The following PTPRD variants were observed in gnomAD, a reference collection of about 807,000 sequenced individuals.
PTPRD encodes protein tyrosine phosphatase receptor type D.
Under a neutral mutation model 214.5 loss-of-function variants are expected in PTPRD, and 34 were observed. That is an observed-to-expected ratio of 0.16 (90% CI 0.12 to 0.21). The LOEUF (loss-of-function observed/expected upper bound fraction) is 0.21. Among genes scored for constraint, PTPRD ranks in the 10% least tolerant of loss-of-function variants. PTPRD has a pLI of 1.00. For synonymous variants in PTPRD, 1,128 were observed against 845.7 expected (o/e 1.33, Z -5.79); for missense variants, 2,545 against 2,398.7 (o/e 1.06, Z -1.27).
At chr9:10,445,816 T>A (rs1306300828) in intron 2 of PTPRD, among the ~76,000 whole-genome samples, 1 of 151,886 alleles carries the variant, frequency 6.6e-6, no homozygotes, top group Non-Finnish European at 1.5e-5. Context: ...CATGAAGAAG[T>A]GAAAGCAAGT....
chr9:10,096,665 A>G (rs2098489828), intron 3 of PTPRD, among the ~76,000 whole-genome samples: 1 of 152,010 alleles, frequency 6.6e-6, no homozygotes, highest in African/African-American at 2.4e-5. Flanking sequence ...GTAGGTTGCA[A>G]AAATTCTCTC....
At position 9,007,650 on chromosome 9, in the gene PTPRD, C is replaced by G. The variant is rs151022117; in HGVS notation, c.-104+11047G>C. Among the ~76,000 whole-genome samples the G allele has an allele frequency of 4.3e-3, 656 of 150,870 alleles. 4 individuals are homozygous for G. Among genetic ancestry groups the G allele is most frequent in the African/African-American group, 0.013 (545 of 41,246 alleles). ...TTCCTACATCAATCTGGACCTGTTGCTTTAGATACCTATGTATAGTTATTT... is the reference window on the plus strand; with the variant it reads ...TTCCTACATCAATCTGGACCTGTTGGTTTAGATACCTATGTATAGTTATTT... On this transcript the variant is annotated intron_variant, in intron 11 of 45. Coordinates refer to ENST00000381196, the MANE Select transcript of PTPRD (RefSeq NM_002839.4).
chr9:8,626,021 G>A (rs571071106), intron 14 of PTPRD, among the ~76,000 whole-genome samples: 59 of 151,748 alleles, frequency 3.9e-4, no homozygotes, highest in African/African-American at 1.3e-3. Context: ...AAGGAGATAC[G>A]TAATTAGGGC....
intron 12 of PTPRD, among the ~76,000 whole-genome samples, chr9:8,696,183 A>G (rs921326716): frequency 1.3e-5 from 2 of 152,174 alleles, no homozygotes; most frequent in Non-Finnish European, 2.9e-5. Context: ...ACACAACACA[A>G]CAGAGAGAAG....
chr9:8,719,219 G>A (rs2098466896), intron 12 of PTPRD, among the ~76,000 whole-genome samples: 1 of 152,108 alleles, frequency 6.6e-6, no homozygotes, highest in African/African-American at 2.4e-5. Context: ...TCAGGAGTTT[G>A]CAATTTGAAA....
intron 10 of PTPRD, among the ~76,000 whole-genome samples, chr9:9,132,070 C>A (rs1294806237): frequency 6.6e-6 from 1 of 152,062 alleles, no homozygotes; most frequent in Admixed American, 6.6e-5. Flanking sequence ...TGCAGTGGCA[C>A]GATCTAGGCT....
At chr9:10,264,912 G>C (rs545560622) in intron 3 of PTPRD, among the ~76,000 whole-genome samples, 1 of 152,146 alleles carries the variant, frequency 6.6e-6, no homozygotes, top group African/African-American at 2.4e-5. Context: ...TCTCATGGTA[G>C]TGAATAAGTC....
Position 8,493,847 on chromosome 9 carries a change from G to A in PTPRD, c.2350-868C>T, listed in dbSNP as rs373971385. Among the ~76,000 whole-genome samples, 199 of 152,204 alleles carry A rather than the reference G, an allele frequency of 1.3e-3. 2 individuals carry two copies. The highest frequency in any genetic ancestry group is 4.4e-3 in the African/African-American group (184 of 41,528). On this transcript the variant is annotated intron_variant, in intron 26 of 45. Coordinates refer to ENST00000381196, the MANE Select transcript of PTPRD (RefSeq NM_002839.4). ...AGCTGTGGTGGTTATAAGACCAGAT[G>A]CTCTTTGATATATTCCTTTAAACTG...
At chr9:10,363,046 C>T (rs1051547470) in intron 2 of PTPRD, among the ~76,000 whole-genome samples, 1 of 152,138 alleles carries the variant, frequency 6.6e-6, no homozygotes, top group Non-Finnish European at 1.5e-5. Flanking sequence ...TGAAGTACAG[C>T]TGGAAAGTGA....
intron 2 of PTPRD, among the ~76,000 whole-genome samples, chr9:10,457,716 T>C (rs900944982): frequency 2.6e-5 from 4 of 152,070 alleles, no homozygotes; most frequent in African/African-American, 9.6e-5. Flanking sequence ...GGTATGAGTG[T>C]TCCTATTTCT....
rs906227266 is a variant in PTPRD, at chr9:8,314,790, A to T, written c.*3084T>A. 2 of 232,176 alleles carry T rather than the reference A, an allele frequency of 8.6e-6. No homozygotes were observed. The highest frequency in any genetic ancestry group is 4.4e-5 in the African/African-American group (2 of 45,056). 14.4% of individuals were successfully genotyped at this position (232,176 alleles called of 1,614,324 possible). ...ATACACACAAATGAATTTCCGAAGC[A>T]GTTTCTTACAGATGGGTTCAAGTAA... On this transcript the variant is annotated 3_prime_UTR_variant, in exon 46 of 46. Transcript: ENST00000381196.
chr9:10,422,140 C>T (rs539754704), intron 2 of PTPRD, among the ~76,000 whole-genome samples: 1 of 152,088 alleles, frequency 6.6e-6, no homozygotes, highest in African/African-American at 2.4e-5. Flanking sequence ...GAACAGAGGC[C>T]TCAGAAATGA....
intron 12 of PTPRD, among the ~76,000 whole-genome samples, chr9:8,690,468 G>A (rs2097779967): frequency 6.6e-6 from 1 of 150,768 alleles, no homozygotes; most frequent in African/African-American, 2.5e-5. Context: ...GGGAGAGCTT[G>A]CACTGAGCCA....
chr9:8,641,522 A>G (rs2096575727), intron 12 of PTPRD, among the ~76,000 whole-genome samples: 1 of 148,404 alleles, frequency 6.7e-6, no homozygotes, highest in Admixed American at 6.6e-5. Flanking sequence ...AATGCCAGGT[A>G]CTGCACAGGT....
chr9:8,382,057 C>T (rs2085271224), intron 37 of PTPRD, among the ~76,000 whole-genome samples: 1 of 152,208 alleles, frequency 6.6e-6, no homozygotes, highest in Non-Finnish European at 1.5e-5. Flanking sequence ...CTGCTTCTGC[C>T]TTGGTCTGCC....
At chr9:10,221,793 T>C (rs10958952) in intron 3 of PTPRD, among the ~76,000 whole-genome samples, 1 of 152,024 alleles carries the variant, frequency 6.6e-6, no homozygotes, top group Non-Finnish European at 1.5e-5. Context: ...CTGTTTTTTT[T>C]TTCCATTTCA....
At chr9:10,017,277 T>G (rs974046405) in intron 4 of PTPRD, among the ~76,000 whole-genome samples, 2 of 152,206 alleles carry the variant, frequency 1.3e-5, no homozygotes, top group Non-Finnish European at 2.9e-5. Context: ...TCCATTTCTT[T>G]GTCCATTTAT....
chr9:8,455,163 A>T (rs146483020), intron 33 of PTPRD, among the ~76,000 whole-genome samples: 97 of 152,238 alleles, frequency 6.4e-4, no homozygotes, highest in African/African-American at 2.2e-3. Context: ...TTCTTCAAAC[A>T]CCTCTTGCCA....
At chr9:10,374,656 G>A (rs1226206664) in intron 2 of PTPRD, among the ~76,000 whole-genome samples, 1 of 151,930 alleles carries the variant, frequency 6.6e-6, no homozygotes, top group Non-Finnish European at 1.5e-5. Context: ...AGTGGGAGGT[G>A]GTAATATGAA....
Sources: allele counts gnomAD v4.1 joint callset (sites outside exome capture counted in the v4.1 genomes callset), GRCh38; gene constraint gnomAD v4.1.1; transcripts MANE v1.5; gene names NCBI Gene and HGNC (gene_info 2026-07-23, HGNC 2026-07-21).